ITGB3: variants seen among roughly 807,000 people sequenced by gnomAD.
ITGB3 encodes integrin beta-3.
A neutral mutation model predicts 85.8 loss-of-function variants in ITGB3; 48 were observed. That is an observed-to-expected ratio of 0.56 (90% CI 0.44 to 0.71). ITGB3 has a LOEUF of 0.71. Ranked by LOEUF, ITGB3 falls within the 30% of genes least tolerant of loss-of-function variation. ITGB3 has a pLI of 0.00. For missense variants in ITGB3, 861 were observed against 1,019.1 expected (o/e 0.84, Z 2.11); for synonymous variants, 363 against 395.6 (o/e 0.92, Z 0.98).
At chr17:47,267,205 C>G (rs1173627869) in intron 1 of ITGB3, among the ~76,000 whole-genome samples, 2 of 152,176 alleles carry the variant, frequency 1.3e-5, no homozygotes, top group African/African-American at 4.8e-5. Context: ...TTACAACCAC[C>G]CTGTGAAGAC....
At chr17:47,266,539 C>A (rs976692200) in intron 1 of ITGB3, among the ~76,000 whole-genome samples, 1 of 152,138 alleles carries the variant, frequency 6.6e-6, no homozygotes, top group African/African-American at 2.4e-5. Context: ...ACTTTCCAGG[C>A]AAACTTCTTG....
At chr17:47,273,605 C>T (rs950064101) in intron 1 of ITGB3, among the ~76,000 whole-genome samples, 1 of 152,218 alleles carries the variant, frequency 6.6e-6, no homozygotes, top group African/African-American at 2.4e-5. Flanking sequence ...ATTTGAATAG[C>T]ACCTTATAGT....
chr17:47,259,760 A>G (rs1211461728), intron 1 of ITGB3, among the ~76,000 whole-genome samples: 2 of 152,144 alleles, frequency 1.3e-5, no homozygotes, highest in African/African-American at 2.4e-5. Context: ...TCAGCTGGGC[A>G]TGGTGGCATG....
At chr17:47,296,608 G>A (rs2065146893) in intron 10 of ITGB3, among the ~76,000 whole-genome samples, 1 of 152,162 alleles carries the variant, frequency 6.6e-6, no homozygotes, top group Non-Finnish European at 1.5e-5. Flanking sequence ...TCAACTGGGA[G>A]GAAGGAGCTA....
intron 1 of ITGB3, among the ~76,000 whole-genome samples, chr17:47,271,260 C>T (rs1402245726): frequency 6.6e-6 from 1 of 152,208 alleles, no homozygotes; most frequent in Non-Finnish European, 1.5e-5. Flanking sequence ...TGTGTGTACC[C>T]ATTCTGTTAG....
Position 47,291,003 on chromosome 17 carries a change from T to C in ITGB3, c.1175T>C (p.Leu392Ser). 2 of 1,614,170 alleles carry C rather than the reference T, an allele frequency of 1.2e-6. No homozygotes were observed. Among genetic ancestry groups the C allele is most frequent in the Non-Finnish European group, 1.7e-6 (2 of 1,180,010 alleles). ...GAAGTGCGTGACCTCCCTGAAGAGT[T>C]GTCTCTATCCTTCAATGCCACCTGC... is the stretch of plus-strand genomic sequence containing the variant. Reference protein sequence around the residue: ...ELEVRDLPEELSLSFNATCLN... With the variant: ...ELEVRDLPEESSLSFNATCLN... Residue 392 changes from leucine (L) to serine (S), a missense_variant, in exon 9 of 15, where the codon TTG (leucine) becomes TCG (serine). By Grantham distance (145) the Leu-to-Ser change is moderately radical (BLOSUM62 -2). Transcript: ENST00000559488.
In ITGB3 at chr17:47,307,757, C is replaced by G. The variant is rs187380207; in HGVS notation, c.2301+120C>G. 1,344 of 964,938 alleles carry G rather than the reference C, an allele frequency of 1.4e-3. 12 individuals are homozygous for G. In the African/African-American group the frequency reaches 0.019, roughly 14 times the overall value. The allele number at this position is 964,938 out of a possible 1,614,324, so 59.8% of individuals were successfully genotyped here. A position where few individuals can be genotyped will look rare whatever the true frequency, so the allele number is the denominator to read the frequency against. ...CATCGTCTTTCCATTATCCTCTGTT[C>G]TGGAAACTGGGAGAGATGGTCTCAC... On this transcript the variant is annotated intron_variant, in intron 14 of 14. Transcript: ENST00000559488.
chr17:47,290,720 T>G (rs1445343368), intron 8 of ITGB3, among the ~76,000 whole-genome samples: 1 of 152,028 alleles, frequency 6.6e-6, no homozygotes, highest in Non-Finnish European at 1.5e-5. Context: ...GCTGGTACAT[T>G]TTACCCAGAC....
In ITGB3 at chr17:47,287,202, G is replaced by T; in HGVS notation, c.910G>T (p.Asp304Tyr). The part of the protein sequence containing the change: ...PNDGQCHVGS[D>Y]NHYSASTTMD... ...TGACGGGCAGTGTCATGTTGGTAGT[G>T]ACAATCATTACTCTGCCTCCACTAC... is the stretch of plus-strand genomic sequence containing the variant. The change falls in exon 6 of 15, where the codon GAC becomes TAC. Residue 304 changes from aspartate to tyrosine, a missense_variant. Asp to Tyr is a radical substitution (Grantham distance 160). Coordinates refer to ENST00000559488, the MANE Select transcript of ITGB3 (RefSeq NM_000212.3). The T allele has an allele frequency of 6.2e-7, 1 of 1,613,978 alleles. No homozygotes were observed. Among genetic ancestry groups the T allele is most frequent in the South Asian group, 1.1e-5 (1 of 91,066 alleles).
chr17:47,262,680 G>A (rs1451919715), intron 1 of ITGB3, among the ~76,000 whole-genome samples: 1 of 152,180 alleles, frequency 6.6e-6, no homozygotes, highest in Non-Finnish European at 1.5e-5. Flanking sequence ...AGTGGCATTG[G>A]TTGGGTCTCT....
intron 2 of ITGB3, 51 bp downstream of exon 2, chr17:47,274,555 G>A (rs2065056369): frequency 1.3e-6 from 2 of 1,509,290 alleles, no homozygotes; most frequent in Admixed American, 1.7e-5. Context: ...AGCTGCTTTT[G>A]TGCAGAAACA....
intron 10 of ITGB3, among the ~76,000 whole-genome samples, chr17:47,295,562 G>T (rs1189783949): frequency 6.6e-6 from 1 of 152,200 alleles, no homozygotes; most frequent in African/African-American, 2.4e-5. Context: ...GGGTCAGCCT[G>T]CTGGCTCTGA....
chr17:47,292,252 T>C lies in ITGB3; in HGVS notation c.1374T>C (p.Asp458=), dbSNP rs1383521708. Residue 458 remains aspartate (D), a synonymous_variant, in exon 10 of 15, where the codon GAT becomes GAC. Transcript: ENST00000559488. ...GCCTGATCGTCCAGGTCACCTTTGA[T>C]TGTGACTGTGCCTGCCAGGCCCAAG... ...KDSLIVQVTF[D]CDCACQAQAE... 1.9e-6 allele frequency: 3 copies of C among 1,614,216 alleles called. No homozygotes were observed. The highest frequency in any genetic ancestry group is 2.2e-5 in the East Asian group (1 of 44,888).
At chr17:47,307,964 G>A (rs866639931) in intron 14 of ITGB3, among the ~76,000 whole-genome samples, 7 of 151,940 alleles carry the variant, frequency 4.6e-5, no homozygotes, top group Admixed American at 6.6e-5. Flanking sequence ...TCAAGAGTTC[G>A]AGACCAGCCT....
At chr17:47,272,700 C>CTTCCTTCT (rs781091319) in intron 1 of ITGB3, among the ~76,000 whole-genome samples, 2 of 139,620 alleles carry the variant, frequency 1.4e-5, no homozygotes, top group Non-Finnish European at 3.1e-5. Flanking sequence ...TCTTTCTTTC[C>CTTCCTTCT]TTCTTTCTTT....
intron 8 of ITGB3, 85 bp from the exon 9 acceptor site, chr17:47,290,869 T>G: frequency 1.3e-6 from 2 of 1,532,038 alleles, no homozygotes; most frequent in Non-Finnish European, 1.8e-6. Context: ...ACTTGCCAGA[T>G]TTGGCTTGGG....
At chr17:47,291,487 A>C in intron 9 of ITGB3, 3 of 378,416 alleles carry the variant, frequency 7.9e-6, no homozygotes, top group South Asian at 4.0e-5. Flanking sequence ...AATGTAAAAC[A>C]CTCCAGTCTC....
At chr17:47,272,699 CCTTCT>C (rs2065049294) in intron 1 of ITGB3, among the ~76,000 whole-genome samples, 2 of 119,466 alleles carry the variant, frequency 1.7e-5, no homozygotes, top group African/African-American at 6.6e-5. Flanking sequence ...TTCTTTCTTT[CCTTCT>C]TTCTTTCTTT....
intron 1 of ITGB3, among the ~76,000 whole-genome samples, chr17:47,272,614 C>T (rs2065048243): frequency 6.6e-6 from 1 of 152,160 alleles, no homozygotes; most frequent in Admixed American, 6.5e-5. Flanking sequence ...TTCTGCATTA[C>T]ATTGAAAGGA....
Sources: gnomAD v4.1 joint callset for allele counts (sites outside exome capture counted in the v4.1 genomes callset) on GRCh38, gnomAD v4.1.1 for gene constraint, MANE v1.5 for transcripts, NCBI Gene and HGNC (gene_info 2026-07-23, HGNC 2026-07-21) for gene names.